The following ITIH3 variants were observed in gnomAD, a reference collection of about 807,000 sequenced individuals.
ITIH3 encodes the protein inter-alpha-trypsin inhibitor heavy chain 3, also known as inter-alpha-trypsin inhibitor heavy chain H3.
Under a neutral mutation model 96.5 loss-of-function variants are expected in ITIH3, and 81 were observed. The ratio of observed to expected loss-of-function variants is 0.84; its 90% confidence interval spans 0.70 to 1.01. The LOEUF is 1.01. Ranked by LOEUF, ITIH3 falls within the 50% of genes least tolerant of loss-of-function variation. The pLI is 0.00. For missense variants in ITIH3, 1,057 were observed against 1,139.3 expected, an observed-to-expected ratio of 0.93 and a Z score of 1.04; for synonymous variants, 422 against 445.2, an observed-to-expected ratio of 0.95 and a Z score of 0.66.
At position 52,796,749 on chromosome 3, in the gene ITIH3, G is replaced by T. The variant is rs770535549; in HGVS notation, c.292G>T (p.Gly98Cys). Reference protein sequence around the residue: ...FITNFTLTIDGVTYPGNVKEK... With the variant: ...FITNFTLTIDCVTYPGNVKEK... ...TCTCTTTCCCTGCAGGACCATCGAC[G>T]GTGTTACCTACCCTGGGAATGTCAA... Residue 98 changes from glycine to cysteine, a missense_variant, in exon 4 of 22, where the codon GGT becomes TGT. Gly to Cys is a radical substitution (Grantham distance 159, BLOSUM62 -3). Coordinates refer to ENST00000449956, the MANE Select transcript of ITIH3 (RefSeq NM_002217.4). The T allele has an allele frequency of 1.2e-6, 2 of 1,611,710 alleles. No homozygotes were observed. Among genetic ancestry groups the T allele is most frequent in the Non-Finnish European group, 1.7e-6 (2 of 1,178,918 alleles).
chr3:52,805,031 T>C lies in ITIH3; in HGVS notation c.1873+297T>C, dbSNP rs142055608. The C allele has an allele frequency of 3.9e-4, 158 of 405,374 alleles. 1 individual carries two copies. The highest frequency in any genetic ancestry group is 2.9e-3 in the African/African-American group (139 of 48,238). The allele number at this position is 405,374 out of a possible 1,614,324, so 25.1% of individuals were successfully genotyped here. Reference sequence around the variant, plus strand: ...AGTCATTTATACTTCATTAGTCCCATAGCAACCCTCCAAGAGGGCCCTTTT... The same window carrying C: ...AGTCATTTATACTTCATTAGTCCCACAGCAACCCTCCAAGAGGGCCCTTTT... On this transcript the variant is annotated intron_variant, in intron 15 of 21. Coordinates refer to ENST00000449956, the MANE Select transcript of ITIH3 (RefSeq NM_002217.4).
chr3:52,799,812 C>T lies in ITIH3; in HGVS notation c.966C>T (p.Phe322=), dbSNP rs2154109634. ...TGCAAGAGGAAGACTATCTGAATTT[C>T]ATCCTGTTCAGTGGAGATGTGTCCA... The part of the protein sequence containing the change: ...EDMQEEDYLN[F]ILFSGDVSTW... The change falls in exon 9 of 22, where the codon TTC becomes TTT. Residue 322 remains phenylalanine, a synonymous_variant. Coordinates refer to ENST00000449956, the MANE Select transcript of ITIH3 (RefSeq NM_002217.4). 6.2e-7 allele frequency: 1 copy of T among 1,613,856 alleles called. No homozygotes were observed. The highest frequency in any genetic ancestry group is 2.2e-5 in the East Asian group (1 of 44,888).
intron 5 of ITIH3, 116 bp downstream of exon 5, chr3:52,797,383 C>A (rs1475068232): frequency 3.6e-6 from 4 of 1,112,484 alleles, no homozygotes; most frequent in Non-Finnish European, 5.1e-6. Context: ...CATCCCCCAT[C>A]CTTGGCTGGG....
chr3:52,803,731 C>G, intron 13 of ITIH3, 124 bp from the exon 14 acceptor site: 2 of 1,103,614 alleles, frequency 1.8e-6, no homozygotes, highest in Non-Finnish European at 2.6e-6. Flanking sequence ...GGGCTGTACC[C>G]TGGGGGACCC....
rs192608149 is a variant in ITIH3, at chr3:52,795,817, C to T, written c.114+194C>T. 7.2e-5 allele frequency: 41 copies of T among 570,382 alleles called. No individual in the cohort carries two copies. The East Asian group carries it at 1.1e-3, about 16-fold the overall frequency. The allele number at this position is 570,382 out of a possible 1,614,324, so 35.3% of individuals were successfully genotyped here. ...ACCACAGAGTGACGACCCCTCCAAC[C>T]TCGCAGGATGTAGCCCAAGAGGGCC... On this transcript the variant is annotated intron_variant, in intron 2 of 21. Transcript: ENST00000449956.
rs540877907 is a variant in ITIH3, at chr3:52,804,821, C to T, written c.1873+87C>T. 11 of 1,451,934 alleles carry T rather than the reference C, an allele frequency of 7.6e-6. No homozygotes were observed. In the African/African-American group the frequency reaches 1.3e-4, roughly 17 times the overall value. 89.9% of individuals were successfully genotyped at this position (1,451,934 alleles called of 1,614,324 possible). A position where few individuals can be genotyped will look rare whatever the true frequency, so the allele number is the denominator to read the frequency against. On this transcript the variant is annotated intron_variant, in intron 15 of 21. Transcript: ENST00000449956. ...AGGCCTTTCCAAGCAAGATAGGACC[C>T]CCAGCCATGGGGGCACACTTGGGAC...
At chr3:52,805,749 C>A (rs1334358984) in intron 15 of ITIH3, 59 bp from the exon 16 acceptor site, 1 of 1,608,968 alleles carries the variant, frequency 6.2e-7, no homozygotes. Context: ...GAGGAAGGCA[C>A]GGGGCTGGGG....
intron 15 of ITIH3, chr3:52,805,324 G>A (rs763253996): frequency 1.1e-4 from 111 of 1,009,148 alleles, no homozygotes; most frequent in Non-Finnish European, 1.3e-4. Flanking sequence ...CATTTGGACT[G>A]GGCCATCACA....
chr3:52,804,530 A>G (rs1041297440), intron 14 of ITIH3, 196 bp from the exon 15 acceptor site: 3 of 590,956 alleles, frequency 5.1e-6, no homozygotes, highest in Admixed American at 6.2e-5. Flanking sequence ...GGAGGCAAAG[A>G]GCTGGGCCTG....
chr3:52,800,951 C>G lies in ITIH3; in HGVS notation c.1202-14C>G, dbSNP rs756261436. On this transcript the variant is annotated splice_polypyrimidine_tract_variant and intron_variant, in intron 10 of 21. Coordinates refer to ENST00000449956, the MANE Select transcript of ITIH3 (RefSeq NM_002217.4). ...GGGCTGGGGCTGGACTGTGAACACC[C>G]CCTTCTCCAACAGGTGAGAGCAGAC... is the stretch of plus-strand genomic sequence containing the variant. The G allele has an allele frequency of 6.2e-7, 1 of 1,613,932 alleles. No homozygotes were observed. The highest frequency in any genetic ancestry group is 8.5e-7 in the Non-Finnish European group (1 of 1,179,836).
chr3:52,796,768 A>C lies in ITIH3; in HGVS notation c.311A>C (p.Asn104Thr). ...LTIDGVTYPG[N>T]VKEKEVAKKQ... Reference sequence around the variant, plus strand: ...ATCGACGGTGTTACCTACCCTGGGAATGTCAAGGAGAAGGAAGTTGCCAAG... The same window carrying C: ...ATCGACGGTGTTACCTACCCTGGGACTGTCAAGGAGAAGGAAGTTGCCAAG... The change falls in exon 4 of 22, where the codon AAT (asparagine) becomes ACT (threonine). Residue 104 changes from asparagine to threonine, a missense_variant. Coordinates refer to ENST00000449956, the MANE Select transcript of ITIH3 (RefSeq NM_002217.4). 6.2e-7 allele frequency: 1 copy of C among 1,613,004 alleles called. No homozygotes were observed. The highest frequency in any genetic ancestry group is 8.5e-7 in the Non-Finnish European group (1 of 1,179,492).
At chr3:52,802,310 T>C (rs199644021) in intron 11 of ITIH3, 24 bp from the exon 12 acceptor site, 16 of 1,611,632 alleles carry the variant, frequency 9.9e-6, no homozygotes, top group East Asian at 2.2e-5. Flanking sequence ...GGGCTTGAGA[T>C]GACTGGCCCC....
intron 21 of ITIH3, 117 bp downstream of exon 21, chr3:52,808,338 C>A: frequency 9.3e-7 from 1 of 1,080,238 alleles, no homozygotes; most frequent in East Asian, 2.5e-5. Context: ...CCCTTGTTTC[C>A]CTTTGAGGTC....
At position 52,806,970 on chromosome 3, in the gene ITIH3, A is replaced by C. The variant is rs1700077032; in HGVS notation, c.2126A>C (p.Tyr709Ser). ...CCTGACTCCAAGACCAGAAAGACTT[A>C]CTTTGGAAAACTGGGCATCGCCAAT... ...GSPDSKTRKT[Y>S]FGKLGIANAQ... Residue 709 changes from tyrosine to serine, a missense_variant, in exon 19 of 22, where the codon TAC (tyrosine) becomes TCC (serine). By Grantham distance (144) the Tyr-to-Ser change is moderately radical. Transcript: ENST00000449956. The C allele has an allele frequency of 6.3e-7, 1 of 1,594,278 alleles. No individual in the cohort carries two copies. The highest frequency in any genetic ancestry group is 8.5e-7 in the Non-Finnish European group (1 of 1,170,552).
chr3:52,800,810 C>T (rs1699803564), intron 10 of ITIH3, 147 bp downstream of exon 10: 2 of 1,447,228 alleles, frequency 1.4e-6, no homozygotes, highest in African/African-American at 1.4e-5. Flanking sequence ...GGTCCTGCCT[C>T]CCTCTGCCAG....
In ITIH3 at chr3:52,801,152, C is replaced by A. The variant is rs1489429036; in HGVS notation, c.1383+6C>A. ...ATGCCGATTTGCAGTTGCAGGTATG[C>A]CTTGTCTTGCACACTTCCGGGCATA... On this transcript the variant is annotated splice_donor_region_variant and intron_variant, in intron 11 of 21. Coordinates refer to ENST00000449956, the MANE Select transcript of ITIH3 (RefSeq NM_002217.4). 3 of 1,563,028 alleles carry A rather than the reference C, an allele frequency of 1.9e-6. No individual in the cohort carries two copies. The African/African-American group carries it at 4.1e-5, about 21-fold the overall frequency.
intron 10 of ITIH3, 52 bp from the exon 11 acceptor site, chr3:52,800,913 T>G: frequency 6.2e-7 from 1 of 1,609,506 alleles, no homozygotes; most frequent in Non-Finnish European, 8.5e-7. Context: ...AGAGCTGGTC[T>G]AGACCATCCC....
intron 18 of ITIH3, 65 bp from the exon 19 acceptor site, chr3:52,806,836 C>A: frequency 7.4e-7 from 1 of 1,358,986 alleles, no homozygotes; most frequent in Non-Finnish European, 1.0e-6. Context: ...GAAGGCACAC[C>A]CCTAAAGGCA....
chr3:52,806,046 C>T (rs534450061), intron 16 of ITIH3, 57 bp from the exon 17 acceptor site: 78 of 1,565,232 alleles, frequency 5.0e-5, no homozygotes, highest in East Asian at 9.5e-5. Context: ...TGGGGGTCGT[C>T]GGGCGCCTCC....
Sources: gnomAD v4.1 joint callset for allele counts on GRCh38, gnomAD v4.1.1 for gene constraint, MANE v1.5 for transcripts, NCBI Gene and HGNC (gene_info 2026-07-23, HGNC 2026-07-21) for gene names.